TTN: variants seen among roughly 807,000 people sequenced by gnomAD.
The protein encoded by TTN is connectin.
Under a neutral mutation model 3,223.0 loss-of-function variants are expected in TTN, and 1,525 were observed. That is an observed-to-expected ratio of 0.47 (90% CI 0.45 to 0.49). The LOEUF is 0.49. Ranked by LOEUF, TTN falls within the 20% of genes least tolerant of loss-of-function variation. The probability of loss-of-function intolerance (pLI) is 0.00; values close to 1 mark genes in which losing one functional copy is unlikely to be tolerated. For missense variants in TTN, 40,786 were observed against 43,424.0 expected, an observed-to-expected ratio of 0.94 and a Z score of 5.40; for synonymous variants, 14,094 against 15,161.0, an observed-to-expected ratio of 0.93 and a Z score of 5.17.
In TTN at chr2:178,692,505, G is replaced by A; in HGVS notation, c.31670C>T (p.Ala10557Val). Residue 10557 changes from alanine to valine, a missense_variant, in exon 120 of 363, where the codon GCA becomes GTA. Transcript: ENST00000589042. ...VPIPKKVEPP[A>V]PKVPEVPKKP... ...CACAAATATTATTCTACCTTTTGGT[G>A]CTGGGGGCTCCACTTTTTTAGGGAT... 6.3e-7 allele frequency: 1 copy of A among 1,579,918 alleles called. No individual in the cohort carries two copies. Among genetic ancestry groups the A allele is most frequent in the South Asian group, 1.2e-5 (1 of 86,012 alleles).
chr2:178,740,073 A>T lies in TTN; in HGVS notation c.13160T>A (p.Ile4387Asn). The change falls in exon 48 of 363, where the codon ATT (isoleucine) becomes AAT (asparagine). Residue 4387 changes from isoleucine to asparagine, a missense_variant. Ile to Asn is a moderately radical substitution (Grantham distance 149). Coordinates refer to ENST00000589042, the MANE Select transcript of TTN (RefSeq NM_001267550.2). ...CAGGTTTAATCTCTGCTCTTCTGGA[A>T]TACCAGAAAGCAAGCTTTCCTTAGA... ...LLSKESLLSG[I>N]PEEQRLNLKI... The T allele has an allele frequency of 1.2e-6, 2 of 1,612,238 alleles. No individual in the cohort carries two copies. Among genetic ancestry groups the T allele is most frequent in the Non-Finnish European group, 1.7e-6 (2 of 1,178,368 alleles).
At position 178,644,473 on chromosome 2, in the gene TTN, C is replaced by T. The variant is rs534359686; in HGVS notation, c.40477+75G>A. The T allele has an allele frequency of 3.7e-6, 4 of 1,092,352 alleles. No individual in the cohort carries two copies. In the African/African-American group the frequency reaches 5.0e-5, roughly 14 times the overall value. 67.7% of individuals were successfully genotyped at this position (1,092,352 alleles called of 1,614,324 possible). A position where few individuals can be genotyped will look rare whatever the true frequency, so the allele number is the denominator to read the frequency against. On this transcript the variant is annotated intron_variant, in intron 218 of 362. Transcript: ENST00000589042. ...CATTGAAAAAGAGAGACAGAACATTCGATGGAGGCAGAAAGAGCAAGGAGT... is the reference window on the plus strand; with the variant it reads ...CATTGAAAAAGAGAGACAGAACATTTGATGGAGGCAGAAAGAGCAAGGAGT...
Position 178,530,102 on chromosome 2 carries a change from T to C in TTN, c.106389A>G (p.Gly35463=). The change falls in exon 359 of 363, where the codon GGA becomes GGG. Residue 35463 remains glycine (G), a synonymous_variant. Transcript: ENST00000589042. ...WTKDGKAITQ[G]GKYKLSEDKG... The stretch of plus-strand genomic sequence containing the variant: ...TGTCTTCAGAGAGTTTATATTTACC[T>C]CCTTGTGTAATGGCCTGTAGAATGC... 1 of 1,602,178 alleles carries C rather than the reference T, an allele frequency of 6.2e-7. No homozygotes were observed. The highest frequency in any genetic ancestry group is 1.1e-5 in the South Asian group (1 of 87,642).
chr2:178,550,990 A>G lies in TTN; in HGVS notation c.91541T>C (p.Ile30514Thr), dbSNP rs1699214522. The change falls in exon 336 of 363, where the codon ATT (isoleucine) becomes ACT (threonine). Residue 30514 changes from isoleucine to threonine, a missense_variant. Coordinates refer to ENST00000589042, the MANE Select transcript of TTN (RefSeq NM_001267550.2). ...ACCATTTTCATCTCTTGTCATAATA[A>G]TGCCAGAAGACTGTGAGGGCGGGCT... ...TISPPSQSSG[I>T]IMTRDENVPP... The G allele has an allele frequency of 6.2e-7, 1 of 1,613,052 alleles. No homozygotes were observed. Among genetic ancestry groups the G allele is most frequent in the African/African-American group, 1.3e-5 (1 of 74,876 alleles).
At position 178,768,921 on chromosome 2, in the gene TTN, G is replaced by A. The variant is rs1244469362; in HGVS notation, c.8915C>T (p.Thr2972Ile). 3 of 1,613,806 alleles carry A rather than the reference G, an allele frequency of 1.9e-6. No individual in the cohort carries two copies. Among genetic ancestry groups the A allele is most frequent in the South Asian group, 1.1e-5 (1 of 91,070 alleles). The change falls in exon 38 of 363, where the codon ACT becomes ATT. Residue 2972 changes from threonine to isoleucine, a missense_variant. Physicochemically the swap from Thr to Ile is moderately conservative, Grantham distance 89 (BLOSUM62 -1). Transcript: ENST00000589042. ...AGCGTTGATGTCTTTCAGCATGGAA[G>A]TAATCATGATTGCTGCAAAGGAGAA... Reference protein sequence around the residue: ...ATLTVTPIMITSMLKDINAEE... With the variant: ...ATLTVTPIMIISMLKDINAEE...
rs1385379230 is a variant in TTN, at chr2:178,553,662, C to G, written c.89343G>C (p.Trp29781Cys). ...CCTCTCCTTTGGTAGAGACAGTAGT[C>G]CATTCCTCTTCCTCTCCTTGTCTTA... ...VEIRQGEEEEWTTVSTKGEVR... is the reference protein window; with the variant it reads ...VEIRQGEEEECTTVSTKGEVR... The change falls in exon 334 of 363, where the codon TGG (tryptophan) becomes TGC (cysteine). Residue 29781 changes from tryptophan (W) to cysteine (C), a missense_variant. Physicochemically the swap from Trp to Cys is radical, Grantham distance 215 (BLOSUM62 -2). Coordinates refer to ENST00000589042, the MANE Select transcript of TTN (RefSeq NM_001267550.2). 6.2e-7 allele frequency: 1 copy of G among 1,613,856 alleles called. No individual in the cohort carries two copies. Among genetic ancestry groups the G allele is most frequent in the South Asian group, 1.1e-5 (1 of 91,076 alleles).
intron 288 of TTN, chr2:178,600,548 C>G (rs1334795729): frequency 1.2e-5 from 4 of 339,388 alleles, no homozygotes; most frequent in Non-Finnish European, 2.2e-5. Flanking sequence ...TACTTTCTGT[C>G]CCTTTTGAGG....
rs537414152 is a variant in TTN, at chr2:178,645,853, A to G, written c.40408+67T>C. 3 of 980,748 alleles carry G rather than the reference A, an allele frequency of 3.1e-6. No homozygotes were observed. The Admixed American group carries it at 8.7e-5, about 28-fold the overall frequency. The allele number at this position is 980,748 out of a possible 1,614,324, so 60.8% of individuals were successfully genotyped here. A position where few individuals can be genotyped will look rare whatever the true frequency, so the allele number is the denominator to read the frequency against. ...TAAAAGTCATACATTTCTTGCAAGC[A>G]TCATTTCAGATGGCTGGATAGAAGT... On this transcript the variant is annotated intron_variant, in intron 217 of 362. Transcript: ENST00000589042.
chr2:178,590,029 C>T lies in TTN; in HGVS notation c.61696G>A (p.Val20566Ile), dbSNP rs764777213. ...TGGCAAGGCCCAGGTCTGTCAAGGA[C>T]GTTAACGATGGCTGAACCTTGGGCA... is the stretch of plus-strand genomic sequence containing the variant. The part of the protein sequence containing the change: ...GHAQGSAIVN[V>I]LDRPGPCQNL... Residue 20566 changes from valine to isoleucine, a missense_variant, in exon 304 of 363, where the codon GTC (valine) becomes ATC (isoleucine). Val to Ile is a conservative substitution (Grantham distance 29). Transcript: ENST00000589042. 6.9e-5 allele frequency: 112 copies of T among 1,613,020 alleles called. No homozygotes were observed. Among genetic ancestry groups the T allele is most frequent in the Admixed American group, 1.7e-4 (10 of 59,932 alleles).
chr2:178,663,986 T>C (rs1193521894), intron 169 of TTN, 29 bp downstream of exon 169: 3 of 1,596,452 alleles, frequency 1.9e-6, no homozygotes, highest in Non-Finnish European at 2.6e-6. Flanking sequence ...GAATTAGGTC[T>C]TCTGAAGCCT....
rs2062185434 is a variant in TTN, at chr2:178,647,377, G to GT, written c.40141+3dup. On this transcript the variant is annotated splice_donor_region_variant and intron_variant, in intron 214 of 362. Transcript: ENST00000589042. The stretch of plus-strand genomic sequence containing the variant: ...TTTCCAAGATTTATGGAGAAGCCGT[G>GT]TACCTTCAGCAGGTGGAACTTCTGG... The GT allele has an allele frequency of 1.9e-6, 3 of 1,549,446 alleles. No homozygotes were observed. The highest frequency in any genetic ancestry group is 3.9e-5 in the Admixed American group (2 of 50,930).
chr2:178,711,405 CAATT>C lies in TTN; in HGVS notation c.27887-60_27887-57del, dbSNP rs747201517. The C allele has an allele frequency of 3.5e-4, 527 of 1,489,078 alleles. 1 individual carries two copies. The highest frequency in any genetic ancestry group is 7.0e-4 in the Admixed American group (31 of 44,406). 92.2% of individuals were successfully genotyped at this position (1,489,078 alleles called of 1,614,324 possible). A position where few individuals can be genotyped will look rare whatever the true frequency, so the allele number is the denominator to read the frequency against. On this transcript the variant is annotated intron_variant, in intron 96 of 362. Coordinates refer to ENST00000589042, the MANE Select transcript of TTN (RefSeq NM_001267550.2). ...TTTAATTTACTAAATGCTCTTCTCA[CAATT>C]ATATATATACAAACGCACGTATATA... is the stretch of plus-strand genomic sequence containing the variant.
At position 178,753,184 on chromosome 2, in the gene TTN, A is replaced by C; in HGVS notation, c.11255-4T>G. On this transcript the variant is annotated splice_polypyrimidine_tract_variant and splice_region_variant and intron_variant, in intron 46 of 362. Transcript: ENST00000589042. Reference sequence around the variant, plus strand: ...TCATGCAAAATTGATTCAGGAGCTAAAATAGAAAAACATATAAAGAGATTT... The same window carrying C: ...TCATGCAAAATTGATTCAGGAGCTACAATAGAAAAACATATAAAGAGATTT... 1 of 1,605,634 alleles carries C rather than the reference A, an allele frequency of 6.2e-7. No individual in the cohort carries two copies. The highest frequency in any genetic ancestry group is 1.1e-5 in the South Asian group (1 of 90,316).
chr2:178,673,108 A>G lies in TTN; in HGVS notation c.34787-405T>C, dbSNP rs147158873. 8.8e-4 allele frequency among the ~76,000 whole-genome samples: 134 copies of G among 151,930 alleles called. 1 individual carries two copies. The highest frequency in any genetic ancestry group is 3.1e-3 in the African/African-American group (127 of 41,528). On this transcript the variant is annotated intron_variant, in intron 152 of 362. Transcript: ENST00000589042. ...AGTCTACTATGACAGGGACAGCATA[A>G]TCTAACTGCTTAAGAGCACTGTCTG... is the stretch of plus-strand genomic sequence containing the variant.
rs751689670 is a variant in TTN at position 178,527,542 on chromosome 2, ACTCTTG to A, written c.107578_107583del (p.Gln35860_Glu35861del). ...CTGCTGGAACTCATTTCTACAAAGGACTCTTGCATGGAGGACATGCTTTGGGCAGAC... is the reference window on the plus strand; with the variant it reads ...CTGCTGGAACTCATTTCTACAAAGGACATGGAGGACATGCTTTGGGCAGAC... On this transcript the variant is annotated inframe_deletion, in exon 362 of 363. Transcript: ENST00000589042. 7 of 1,613,842 alleles carry A rather than the reference ACTCTTG, an allele frequency of 4.3e-6. No homozygotes were observed. Among genetic ancestry groups the A allele is most frequent in the Non-Finnish European group, 5.1e-6 (6 of 1,179,858 alleles).
At chr2:178,613,300 T>C (rs762524270) in intron 263 of TTN, 24 bp from the exon 264 acceptor site, 3 of 1,531,878 alleles carry the variant, frequency 2.0e-6, no homozygotes, top group South Asian at 2.4e-5. Flanking sequence ...AAAGTGCATG[T>C]GTATCATCAT....
chr2:178,633,466 TCGCCTTTATCTTTAAGGTC>T lies in TTN; in HGVS notation c.42874_42892del (p.Asp14292AsnfsTer21). ...GTCTGTGCCACAGTCACACACATAT[TCGCCTTTATCTTTAAGGTC>T]CGCCTTTTTGATTTTTAAGATGCGG... On this transcript the variant is annotated frameshift_variant, in exon 232 of 363. Transcript: ENST00000589042. LOFTEE classifies it high-confidence loss of function. 6.2e-7 allele frequency: 1 copy of T among 1,613,364 alleles called. No individual in the cohort carries two copies. The highest frequency in any genetic ancestry group is 8.5e-7 in the Non-Finnish European group (1 of 1,179,602).
chr2:178,584,683 G>A lies in TTN; in HGVS notation c.64958C>T (p.Ala21653Val), dbSNP rs1334145229. ...SEPLTSPKMV[A>V]QFPFGVPSEP... ...CAAAAACATACCAAATGGGAACTGCGCAACCATCTTTGGAGATGTGAGAGG... is the reference window on the plus strand; with the variant it reads ...CAAAAACATACCAAATGGGAACTGCACAACCATCTTTGGAGATGTGAGAGG... The change falls in exon 310 of 363, where the codon GCG (alanine) becomes GTG (valine). Residue 21653 changes from alanine to valine, a missense_variant. Transcript: ENST00000589042. The A allele has an allele frequency of 6.8e-6, 11 of 1,613,300 alleles. No individual in the cohort carries two copies. The highest frequency in any genetic ancestry group is 1.7e-5 in the Admixed American group (1 of 59,970).
chr2:178,626,980 T>C (rs184119501), intron 240 of TTN, among the ~76,000 whole-genome samples: 12 of 151,914 alleles, frequency 7.9e-5, no homozygotes, highest in Non-Finnish European at 1.5e-5. Context: ...AAAGGAAAAC[T>C]GGTAGGTGCC....
Sources: allele counts gnomAD v4.1 joint callset (sites outside exome capture counted in the v4.1 genomes callset), GRCh38; gene constraint gnomAD v4.1.1; transcripts MANE v1.5; gene names NCBI Gene and HGNC (gene_info 2026-07-23, HGNC 2026-07-21).